Variants in SLMAP observed in about 807,000 individuals in gnomAD.
SLMAP encodes the protein sarcolemma associated protein.
SLMAP carries 44 observed loss-of-function variants against 128.8 expected under a neutral mutation model. That is an observed-to-expected ratio of 0.34 (90% CI 0.27 to 0.44). The LOEUF is 0.44. SLMAP is among the 20% of genes least tolerant of loss of function. SLMAP has a pLI of 1.00. For missense variants in SLMAP, 787 were observed against 985.3 expected (o/e 0.80, Z 2.69); for synonymous variants, 327 against 348.8 (o/e 0.94, Z 0.70).
In SLMAP at chr3:57,865,252, T is replaced by A. The variant is rs886455657; in HGVS notation, c.1197T>A (p.Val399=). ...LKECSSLGIQ[V]DDFLPKINGS... ...CTGTCTTAATCCTAGGGATACAAGTTGATGACTTCTTACCTAAAATAAATG... is the reference window on the plus strand; with the variant it reads ...CTGTCTTAATCCTAGGGATACAAGTAGATGACTTCTTACCTAAAATAAATG... The change falls in exon 13 of 25, where the codon GTT becomes GTA. Residue 399 remains valine, a synonymous_variant. Coordinates refer to ENST00000671191, the MANE Select transcript of SLMAP (RefSeq NM_001377540.1). The A allele has an allele frequency of 6.7e-7, 1 of 1,491,206 alleles. No individual in the cohort carries two copies. The highest frequency in any genetic ancestry group is 1.4e-5 in the African/African-American group (1 of 71,440). The allele number at this position is 1,491,206 out of a possible 1,614,324, so 92.4% of individuals were successfully genotyped here.
Position 57,909,180 on chromosome 3 carries a change from T to C in SLMAP, c.1699+30T>C, listed in dbSNP as rs138626199. The C allele has an allele frequency of 8.6e-4, 1,262 of 1,474,742 alleles. 14 individuals carry two copies. The African/African-American group carries it at 0.01, about 12-fold the overall frequency. 91.4% of individuals were successfully genotyped at this position (1,474,742 alleles called of 1,614,324 possible). ...GGAAGACCCCAAGGCTCTTTGAGAT[T>C]GTTATTGTGTGTTTGTTTTTAGTGA... is the stretch of plus-strand genomic sequence containing the variant. On this transcript the variant is annotated intron_variant, in intron 19 of 24. Transcript: ENST00000671191.
chr3:57,883,136 C>T (rs1249600395), intron 14 of SLMAP, among the ~76,000 whole-genome samples: 1 of 151,984 alleles, frequency 6.6e-6, no homozygotes, highest in African/African-American at 2.4e-5. Flanking sequence ...GTAAGTTGGG[C>T]AAGGTAGACA....
intron 2 of SLMAP, among the ~76,000 whole-genome samples, chr3:57,826,538 C>T (rs980173470): frequency 3.9e-5 from 6 of 152,102 alleles, no homozygotes; most frequent in African/African-American, 1.2e-4. Context: ...CTTCCTTTCC[C>T]CTTCTCAACT....
intron 14 of SLMAP, among the ~76,000 whole-genome samples, chr3:57,880,646 G>A (rs756824388): frequency 3.5e-4 from 53 of 152,156 alleles, no homozygotes; most frequent in Non-Finnish European, 6.5e-4. Flanking sequence ...AAGAGGCCAA[G>A]GTGGGAGGAT....
intron 13 of SLMAP, among the ~76,000 whole-genome samples, chr3:57,865,588 C>T (rs528521722): frequency 5.9e-5 from 9 of 152,254 alleles, no homozygotes; most frequent in African/African-American, 1.9e-4. Context: ...TTTCGAAGAG[C>T]TGTACTACCA....
intron 2 of SLMAP, among the ~76,000 whole-genome samples, chr3:57,823,326 C>T (rs1472268242): frequency 6.6e-6 from 1 of 152,020 alleles, no homozygotes; most frequent in African/African-American, 2.4e-5. Context: ...CCCATTAACT[C>T]GTCATTTAAC....
chr3:57,864,778 C>CT (rs549408176), intron 11 of SLMAP, 29 bp from the exon 12 acceptor site: 51,178 of 1,069,602 alleles, frequency 0.048, 10 homozygotes, highest in East Asian at 0.058. Flanking sequence ...TGTGAAATAT[C>CT]TTTTTTTTTT....
chr3:57,925,934 G>T lies in SLMAP; in HGVS notation c.*6G>T. On this transcript the variant is annotated splice_region_variant and 3_prime_UTR_variant, in exon 24 of 25. Transcript: ENST00000671191. Reference sequence around the variant, plus strand: ...GTTTCGGTCCATTGTGGTAGAGAAAGGTACAAGCACTATTGTTGAGTCCTT... The same window carrying T: ...GTTTCGGTCCATTGTGGTAGAGAAATGTACAAGCACTATTGTTGAGTCCTT... 6.5e-7 allele frequency: 1 copy of T among 1,548,300 alleles called. No homozygotes were observed. Among genetic ancestry groups the T allele is most frequent in the South Asian group, 1.2e-5 (1 of 83,962 alleles).
intron 2 of SLMAP, among the ~76,000 whole-genome samples, chr3:57,811,220 T>A (rs892859409): frequency 1.8e-4 from 28 of 152,202 alleles, no homozygotes; most frequent in Non-Finnish European, 3.1e-4. Context: ...TGAAGGTTTT[T>A]AAATATTAGA....
At chr3:57,800,802 A>G in intron 2 of SLMAP, 1 of 169,434 alleles carries the variant, frequency 5.9e-6, no homozygotes, top group Non-Finnish European at 1.3e-5. Context: ...CACAGATGAA[A>G]ATAGGAGGTA....
intron 2 of SLMAP, among the ~76,000 whole-genome samples, chr3:57,802,642 T>A (rs2088822329): frequency 6.6e-6 from 1 of 152,222 alleles, no homozygotes; most frequent in South Asian, 2.1e-4. Flanking sequence ...AGTCTTTTTA[T>A]CTGGCTGGTT....
At chr3:57,924,308 A>G (rs1576495286) in intron 23 of SLMAP, among the ~76,000 whole-genome samples, 1 of 151,974 alleles carries the variant, frequency 6.6e-6, no homozygotes, top group African/African-American at 2.4e-5. Flanking sequence ...CATTTTAAAA[A>G]TTAATTGTAT....
At position 57,857,521 on chromosome 3, in the gene SLMAP, T is replaced by C. The variant is rs1290033673; in HGVS notation, c.520-212T>C. Among the ~76,000 whole-genome samples the C allele has an allele frequency of 2.0e-5, 3 of 152,348 alleles. No homozygotes were observed. The East Asian group carries it at 5.8e-4, about 29-fold the overall frequency. On this transcript the variant is annotated intron_variant, in intron 6 of 24. Coordinates refer to ENST00000671191, the MANE Select transcript of SLMAP (RefSeq NM_001377540.1). ...TCTGTCTGTCTCTCTCAAAATATCT[T>C]GTACTGCACTATAACTGAAACTGTG...
intron 14 of SLMAP, among the ~76,000 whole-genome samples, chr3:57,889,719 T>C (rs1273349564): frequency 1.3e-5 from 2 of 152,236 alleles, no homozygotes; most frequent in Non-Finnish European, 2.9e-5. Flanking sequence ...ATAAATCTTT[T>C]ATTTTAACTT....
At chr3:57,865,354 G>T (rs1172894596) in intron 13 of SLMAP, 62 bp downstream of exon 13, 3 of 703,864 alleles carry the variant, frequency 4.3e-6, no homozygotes, top group Non-Finnish European at 7.0e-6. Context: ...ATTTAAGCAG[G>T]ATAAGGAGTT....
intron 2 of SLMAP, among the ~76,000 whole-genome samples, chr3:57,798,306 T>C (rs1156387268): frequency 2.6e-5 from 4 of 152,210 alleles, no homozygotes; most frequent in Non-Finnish European, 5.9e-5. Context: ...CTTTGTTTAC[T>C]TGTCTTGTTC....
At chr3:57,813,928 G>A (rs974701111) in intron 2 of SLMAP, among the ~76,000 whole-genome samples, 5 of 150,646 alleles carry the variant, frequency 3.3e-5, no homozygotes, top group African/African-American at 7.3e-5. Flanking sequence ...GAGTTTTGGC[G>A]TCAGGTGCCT....
chr3:57,762,119 A>G (rs529369249), intron 2 of SLMAP, among the ~76,000 whole-genome samples: 3 of 151,818 alleles, frequency 2.0e-5, no homozygotes, highest in Non-Finnish European at 2.9e-5. Flanking sequence ...CCTGTAATCC[A>G]GCACTTGGGG....
intron 17 of SLMAP, chr3:57,901,017 A>G (rs2153665489): frequency 6.6e-6 from 1 of 152,354 alleles, no homozygotes; most frequent in South Asian, 2.1e-4. Context: ...GCAGTGCCCT[A>G]GTGAAATTTA....
Sources: allele counts gnomAD v4.1 joint callset (sites outside exome capture counted in the v4.1 genomes callset), GRCh38; gene constraint gnomAD v4.1.1; transcripts MANE v1.5; gene names NCBI Gene and HGNC (gene_info 2026-07-23, HGNC 2026-07-21).